MYOM1: variants seen among roughly 807,000 people sequenced by gnomAD.
MYOM1 encodes the protein myomesin 1.
A neutral mutation model predicts 205.3 loss-of-function variants in MYOM1; 164 were observed. The observed-to-expected ratio is 0.80, with a 90% CI of 0.70 to 0.91. MYOM1 has a LOEUF of 0.91. Ranked by LOEUF, MYOM1 falls within the 40% of genes least tolerant of loss-of-function variation. The pLI, the probability that MYOM1 is intolerant of heterozygous loss-of-function variation, is 0.00. For synonymous variants in MYOM1, 772 were observed against 789.4 expected (o/e 0.98, Z 0.37); for missense variants, 2,011 against 2,127.3 (o/e 0.95, Z 1.08).
chr18:3,163,928 C>A (rs1260402284), intron 10 of MYOM1, among the ~76,000 whole-genome samples: 1 of 152,024 alleles, frequency 6.6e-6, no homozygotes. Context: ...TCACAGCTCA[C>A]TGCAGCCTTG....
chr18:3,191,758 T>TGC (rs2080909274), intron 3 of MYOM1, among the ~76,000 whole-genome samples: 2 of 151,662 alleles, frequency 1.3e-5, no homozygotes, highest in Non-Finnish European at 2.9e-5. Flanking sequence ...TGCAGTGGCG[T>TGC]GATCTCAGCT....
intron 3 of MYOM1, among the ~76,000 whole-genome samples, chr18:3,193,359 T>TACACACACACACAC (rs536189289): frequency 0.086 from 10,245 of 118,878 alleles, 486 homozygotes; most frequent in Non-Finnish European, 0.13. Flanking sequence ...TATATATATA[T>TACACACACACACAC]ATACACACAC....
At chr18:3,089,480 G>C in intron 28 of MYOM1, 57 bp downstream of exon 28, 2 of 1,286,726 alleles carry the variant, frequency 1.6e-6, no homozygotes, top group South Asian at 2.8e-5. Context: ...AAATAACCTT[G>C]GAATCTTTTG....
At chr18:3,085,227 TGC>T (rs1345921982) in intron 30 of MYOM1, 95 bp from the exon 31 acceptor site, 7 of 279,468 alleles carry the variant, frequency 2.5e-5, no homozygotes, top group Non-Finnish European at 3.8e-5. Context: ...CTGCTGCTGC[TGC>T]TTTTTTTTTT....
Position 3,200,242 on chromosome 18 carries a change from T to C in MYOM1, c.291-6284A>G, listed in dbSNP as rs549482843. Reference sequence around the variant, plus strand: ...AAACCAAAATACAGCAACAACACACTCTGAGGAAAATTCAGAATTCAGAAT... The same window carrying C: ...AAACCAAAATACAGCAACAACACACCCTGAGGAAAATTCAGAATTCAGAAT... On this transcript the variant is annotated intron_variant, in intron 2 of 37. Transcript: ENST00000356443. Among the ~76,000 whole-genome samples, 4 of 152,124 alleles carry C rather than the reference T, an allele frequency of 2.6e-5. No individual in the cohort carries two copies. The South Asian group carries it at 8.3e-4, about 32-fold the overall frequency.
At chr18:3,181,709 C>T (rs888239493) in intron 5 of MYOM1, among the ~76,000 whole-genome samples, 7 of 149,688 alleles carry the variant, frequency 4.7e-5, no homozygotes, top group Non-Finnish European at 7.4e-5. Flanking sequence ...TATTTGACAA[C>T]GACCTTTGGG....
At chr18:3,138,642 C>T (rs1008866348) in intron 14 of MYOM1, among the ~76,000 whole-genome samples, 5 of 152,144 alleles carry the variant, frequency 3.3e-5, no homozygotes, top group Admixed American at 2.6e-4. Context: ...TTTCTTTTAA[C>T]ATATTCCACC....
intron 26 of MYOM1, among the ~76,000 whole-genome samples, chr18:3,092,262 T>C (rs1360309407): frequency 6.6e-6 from 1 of 152,164 alleles, no homozygotes; most frequent in Non-Finnish European, 1.5e-5. Flanking sequence ...AGTGGTGCAA[T>C]CATAGCTCAC....
At chr18:3,080,615 A>C (rs144327393) in intron 33 of MYOM1, among the ~76,000 whole-genome samples, 1 of 152,024 alleles carries the variant, frequency 6.6e-6, no homozygotes, top group Middle Eastern at 3.4e-3. Context: ...CGGAGGTTGC[A>C]ATGAACCGAG....
chr18:3,196,914 A>G (rs1277388233), intron 2 of MYOM1, among the ~76,000 whole-genome samples: 4 of 152,230 alleles, frequency 2.6e-5, no homozygotes, highest in Non-Finnish European at 5.9e-5. Flanking sequence ...CGTAACAGGA[A>G]AAGCAAGAAC....
intron 25 of MYOM1, among the ~76,000 whole-genome samples, chr18:3,096,224 G>A (rs1336281455): frequency 1.3e-5 from 2 of 152,178 alleles, no homozygotes; most frequent in Non-Finnish European, 2.9e-5. Flanking sequence ...CCAGCTGTTT[G>A]CAAATGATCT....
intron 22 of MYOM1, among the ~76,000 whole-genome samples, chr18:3,109,136 C>A (rs6506064): frequency 6.6e-6 from 1 of 151,798 alleles, no homozygotes; most frequent in Admixed American, 6.6e-5. Flanking sequence ...GCCCGCCACA[C>A]GCCCAGCTAA....
chr18:3,229,356 C>T, the MYOM1 span, among the ~76,000 whole-genome samples: 1 of 151,444 alleles, frequency 6.6e-6, no homozygotes, highest in Non-Finnish European at 1.5e-5. Context: ...TTTAAAAGCT[C>T]CTAAATGATT....
In MYOM1 at chr18:3,182,631, C is replaced by G. The variant is rs1280793074; in HGVS notation, c.929+4849G>C. Among the ~76,000 whole-genome samples, 4 of 152,124 alleles carry G rather than the reference C, an allele frequency of 2.6e-5. No homozygotes were observed. In the East Asian group the frequency reaches 7.7e-4, roughly 29 times the overall value. On this transcript the variant is annotated intron_variant, in intron 5 of 37. Transcript: ENST00000356443. ...ACTTTTGTCCCTTTGACAAGGCTCC[C>G]CCTCAGGGTCAATAGCTTTTCTTGG...
chr18:3,195,842 C>T (rs1004636514), intron 2 of MYOM1, among the ~76,000 whole-genome samples: 5 of 151,846 alleles, frequency 3.3e-5, no homozygotes, highest in African/African-American at 4.8e-5. Context: ...AAATCACAGG[C>T]GCTGCTTTTT....
At chr18:3,213,172 A>G (rs2081212075) in intron 2 of MYOM1, among the ~76,000 whole-genome samples, 1 of 152,218 alleles carries the variant, frequency 6.6e-6, no homozygotes, top group African/African-American at 2.4e-5. Context: ...AGCATGCCTC[A>G]CTTCTAGTTA....
At position 3,079,016 on chromosome 18, in the gene MYOM1, T is replaced by C. The variant is rs191951992; in HGVS notation, c.4648+163A>G. Among the ~76,000 whole-genome samples the C allele has an allele frequency of 4.3e-3, 647 of 149,718 alleles. 25 individuals are homozygous for C. In the East Asian group the frequency reaches 0.074, roughly 17 times the overall value. On this transcript the variant is annotated intron_variant, in intron 34 of 37. Transcript: ENST00000356443. Reference sequence around the variant, plus strand: ...TTTTTAGAGATGAGATTTTACTCTGTTGCCCAGGCTGGTCTTGAACTCCTG... The same window carrying C: ...TTTTTAGAGATGAGATTTTACTCTGCTGCCCAGGCTGGTCTTGAACTCCTG...
At chr18:3,116,232 A>C in intron 21 of MYOM1, 99 bp downstream of exon 21, 1 of 1,300,834 alleles carries the variant, frequency 7.7e-7, no homozygotes, top group East Asian at 2.6e-5. Context: ...TATATGAAAC[A>C]GATCAAAGCG....
chr18:3,192,915 C>T (rs1334316068), intron 3 of MYOM1, among the ~76,000 whole-genome samples: 1 of 151,794 alleles, frequency 6.6e-6, no homozygotes, highest in Non-Finnish European at 1.5e-5. Flanking sequence ...TAATTAAAAC[C>T]ACATTGATAA....
Sources: allele counts gnomAD v4.1 joint callset (sites outside exome capture counted in the v4.1 genomes callset), GRCh38; gene constraint gnomAD v4.1.1; transcripts MANE v1.5; gene names NCBI Gene and HGNC (gene_info 2026-07-23, HGNC 2026-07-21).